The following NBPF14 variants were observed in gnomAD, a reference collection of about 807,000 sequenced individuals.
NBPF14 encodes NBPF member 14, also known as NBPF family member NBPF14.
Under a neutral mutation model 91.2 loss-of-function variants are expected in NBPF14, and 104 were observed. The ratio of observed to expected loss-of-function variants is 1.14; its 90% CI spans 0.97 to 1.34. The LOEUF is 1.34. Among genes scored for constraint, NBPF14 ranks in the 40% most tolerant of loss-of-function variants. NBPF14 has a pLI of 0.00. For synonymous variants in NBPF14, 294 were observed against 303.8 expected (o/e 0.97, Z 0.34); for missense variants, 908 against 783.0 (o/e 1.16, Z -1.91).
At chr1:148,557,731 T>G (rs1656929514) in intron 39 of NBPF14, among the ~76,000 whole-genome samples, 189 bp from the exon 40 acceptor site, 1 of 128,814 alleles carries the variant, frequency 7.8e-6, no homozygotes, top group Non-Finnish European at 1.6e-5. Context: ...GAACCAAGGG[T>G]GAAATATCCC....
Position 148,559,983 on chromosome 1 carries a change from A to T in NBPF14, c.4557-18T>A, listed in dbSNP as rs1397350813. On this transcript the variant is annotated intron_variant, in intron 36 of 70. Transcript: ENST00000619423. ...TGCTGAGCCTGGAAAAGTGGAAAAA[A>T]GTAAAGAATAAGCCAGGGGGAATCA... 44 of 1,192,962 alleles carry T rather than the reference A, an allele frequency of 3.7e-5. 3 individuals carry two copies. Among genetic ancestry groups the T allele is most frequent in the South Asian group, 1.6e-4 (12 of 77,338 alleles). 73.9% of individuals were successfully genotyped at this position (1,192,962 alleles called of 1,614,324 possible).
In NBPF14 at chr1:148,572,339, G is replaced by A. The variant is rs1659225845; in HGVS notation, c.2758+104C>T. On this transcript the variant is annotated intron_variant, in intron 21 of 70. Transcript: ENST00000619423. ...ATATGCGCCCATAGGTCCTGCCTGC[G>A]GCAATGACGTCTCTCGGGTCAGTAA... 3.2e-5 allele frequency: 9 copies of A among 284,470 alleles called. 2 individuals carry two copies. The highest frequency in any genetic ancestry group is 1.9e-4 in the Admixed American group (3 of 15,434). The allele number at this position is 284,470 out of a possible 1,614,324, so 17.6% of individuals were successfully genotyped here.
chr1:148,577,658 C>A (rs1570995113), intron 14 of NBPF14, among the ~76,000 whole-genome samples: 4 of 148,742 alleles, frequency 2.7e-5, no homozygotes, highest in Non-Finnish European at 5.9e-5. Context: ...TGTATTTGTG[C>A]TCTCAGGACA....
intron 59 of NBPF14, among the ~76,000 whole-genome samples, chr1:148,542,116 T>A (rs1218489266): frequency 9.7e-6 from 1 of 103,420 alleles, no homozygotes; most frequent in South Asian, 3.6e-4. Context: ...ATTTTTCCAA[T>A]CAACTTAAAG....
chr1:148,595,327 C>T (rs1300976273), intron 2 of NBPF14, among the ~76,000 whole-genome samples: 12 of 148,270 alleles, frequency 8.1e-5, no homozygotes, highest in African/African-American at 3.0e-4. Context: ...GAGTTTAACT[C>T]TAGTTCCACC....
intron 14 of NBPF14, 49 bp from the exon 15 acceptor site, chr1:148,577,404 C>A: frequency 3.1e-6 from 2 of 651,202 alleles, no homozygotes; most frequent in Admixed American, 4.4e-5. Context: ...AATCAGAAAC[C>A]ACACAGCCCC....
chr1:148,560,012 A>G lies in NBPF14; in HGVS notation c.4557-47T>C, dbSNP rs1337706731. On this transcript the variant is annotated intron_variant, in intron 36 of 70. Transcript: ENST00000619423. Reference sequence around the variant, plus strand: ...AAGAATAAGCCAGGGGGAATCAGAAACCACACAGCCCCAGCTAGATTTCAT... The same window carrying G: ...AAGAATAAGCCAGGGGGAATCAGAAGCCACACAGCCCCAGCTAGATTTCAT... The G allele has an allele frequency of 5.2e-6, 4 of 764,404 alleles. 1 individual carries two copies. In the Admixed American group the frequency reaches 5.5e-5, roughly 11 times the overall value. The allele number at this position is 764,404 out of a possible 1,614,324, so 47.4% of individuals were successfully genotyped here. A position where few individuals can be genotyped will look rare whatever the true frequency, so the allele number is the denominator to read the frequency against.
intron 29 of NBPF14, among the ~76,000 whole-genome samples, chr1:148,565,821 G>C (rs1454162005): frequency 8.5e-5 from 1 of 11,794 alleles, no homozygotes; most frequent in Non-Finnish European, 1.6e-4. Context: ...ACTGAAATTA[G>C]AGTGAAAAAG....
chr1:148,566,882 C>G, intron 28 of NBPF14, 70 bp downstream of exon 28: 6 of 249,778 alleles, frequency 2.4e-5, no homozygotes, highest in South Asian at 1.5e-4. Flanking sequence ...TGTCAGCCCG[C>G]TCTGTTTTCC....
rs1166347105 is a variant in NBPF14 at position 148,534,535 on chromosome 1, C to A, written c.8614+149G>T. 7.9e-5 allele frequency: 56 copies of A among 710,714 alleles called. 2 individuals carry two copies. The Admixed American group carries it at 1.1e-3, about 13-fold the overall frequency. 44.0% of individuals were successfully genotyped at this position (710,714 alleles called of 1,614,324 possible). A position where few individuals can be genotyped will look rare whatever the true frequency, so the allele number is the denominator to read the frequency against. ...TTCATGTCTAGGCTTCCAGCTGAGA[C>A]TACAGTTTCATTACAACCTATATGC... On this transcript the variant is annotated intron_variant, in intron 69 of 70. Transcript: ENST00000619423.
At chr1:148,535,162 C>G (rs1165136500) in intron 68 of NBPF14, among the ~76,000 whole-genome samples, 3 of 149,298 alleles carry the variant, frequency 2.0e-5, no homozygotes, top group African/African-American at 2.5e-5. Context: ...ACACAGCGAA[C>G]AGTGATCATG....
At chr1:148,559,266 G>A (rs1343300944) in intron 37 of NBPF14, among the ~76,000 whole-genome samples, 194 bp from the exon 38 acceptor site, 9 of 110,382 alleles carry the variant, frequency 8.2e-5, no homozygotes, top group Non-Finnish European at 8.3e-5. Flanking sequence ...AGAAACTGTG[G>A]GTAAAATTCC....
chr1:148,572,302 T>C lies in NBPF14; in HGVS notation c.2758+141A>G, dbSNP rs1199904597. 1.6e-3 allele frequency: 331 copies of C among 204,606 alleles called. 48 individuals carry two copies. Among genetic ancestry groups the C allele is most frequent in the South Asian group, 8.6e-3 (307 of 35,692 alleles). 12.7% of individuals were successfully genotyped at this position (204,606 alleles called of 1,614,324 possible). ...TAGGCTTCCAACTGAGACTACAGTT[T>C]CATTACAACCTATATGCGCCCATAG... On this transcript the variant is annotated intron_variant, in intron 21 of 70. Transcript: ENST00000619423.
chr1:148,593,408 A>G (rs1446110368), intron 3 of NBPF14, among the ~76,000 whole-genome samples, 190 bp downstream of exon 3: 2 of 148,456 alleles, frequency 1.3e-5, no homozygotes, highest in Admixed American at 6.7e-5. Flanking sequence ...ACAAGGCTCT[A>G]AGAAACAACT....
At position 148,534,632 on chromosome 1, in the gene NBPF14, C is replaced by A. The variant is rs1378839875; in HGVS notation, c.8614+52G>T. Reference sequence around the variant, plus strand: ...GGCCACTTGGAATAGGAATATCACCCCTATCTGGAAGACCAGGTGGAGGCT... The same window carrying A: ...GGCCACTTGGAATAGGAATATCACCACTATCTGGAAGACCAGGTGGAGGCT... On this transcript the variant is annotated intron_variant, in intron 69 of 70. Coordinates refer to ENST00000619423, the Ensembl canonical transcript of NBPF14. 538 of 891,932 alleles carry A rather than the reference C, an allele frequency of 6.0e-4. 4 individuals are homozygous for A. The highest frequency in any genetic ancestry group is 2.0e-3 in the Middle Eastern group (6 of 3,034). The allele number at this position is 891,932 out of a possible 1,614,324, so 55.3% of individuals were successfully genotyped here.
At chr1:148,561,779 AC>A in intron 34 of NBPF14, among the ~76,000 whole-genome samples, 200 bp from the exon 35 acceptor site, 2 of 44,852 alleles carry the variant, frequency 4.5e-5, no homozygotes, top group Non-Finnish European at 7.8e-5. Context: ...ACAGATAGAC[AC>A]ACACACACAC....
At chr1:148,566,235 C>A (rs1658234810) in exon 29 of NBPF14, 2 of 605,894 alleles carry the variant, frequency 3.3e-6, no homozygotes, top group South Asian at 1.7e-5. Flanking sequence ...TTCAAGACAA[C>A]TGGAAGGAGT....
chr1:148,566,396 T>C (rs1658287528), intron 28 of NBPF14, 81 bp from the exon 29 acceptor site: 19 of 657,218 alleles, frequency 2.9e-5, no homozygotes, highest in South Asian at 2.9e-4. Flanking sequence ...ATGGGTAGCA[T>C]AGGGAAGTGG....
Position 148,534,984 on chromosome 1 carries a change from C to T in NBPF14, c.8442-128G>A, listed in dbSNP as rs1334116270. On this transcript the variant is annotated intron_variant, in intron 68 of 70. Coordinates refer to ENST00000619423, the Ensembl canonical transcript of NBPF14. ...AAGGACAGATCCATTAATGAGGTAA[C>T]GAATTATTGCCTTTATGTTGGGATA... The T allele has an allele frequency of 5.6e-4, 403 of 723,812 alleles. 2 individuals are homozygous for T. Among genetic ancestry groups the T allele is most frequent in the Middle Eastern group, 1.8e-3 (5 of 2,732 alleles). 44.8% of individuals were successfully genotyped at this position (723,812 alleles called of 1,614,324 possible). A position where few individuals can be genotyped will look rare whatever the true frequency, so the allele number is the denominator to read the frequency against.
Sources: gnomAD v4.1 joint callset for allele counts (sites outside exome capture counted in the v4.1 genomes callset) on GRCh38, gnomAD v4.1.1 for gene constraint, MANE v1.5 for transcripts, NCBI Gene and HGNC (gene_info 2026-07-23, HGNC 2026-07-21) for gene names.